Variants in ITGBL1 observed in about 807,000 individuals in gnomAD.
The protein encoded by ITGBL1 is integrin beta-like protein 1.
Under a neutral mutation model 68.5 loss-of-function variants are expected in ITGBL1, and 51 were observed. The observed-to-expected ratio is 0.74, with a 90% CI of 0.59 to 0.94. The LOEUF (loss-of-function observed/expected upper bound fraction) is 0.94. ITGBL1 is among the 40% of genes least tolerant of loss of function. The pLI is 0.00. For missense variants in ITGBL1, 649 were observed against 647.4 expected (o/e 1.00, Z -0.03); for synonymous variants, 209 against 227.3 (o/e 0.92, Z 0.72).
intron 6 of ITGBL1, among the ~76,000 whole-genome samples, chr13:101,589,319 T>G (rs2139303702): frequency 6.6e-6 from 1 of 152,274 alleles, no homozygotes; most frequent in South Asian, 2.1e-4. Flanking sequence ...AATTCTACTT[T>G]CCCCAAACAA....
In ITGBL1 at chr13:101,653,855, CTTTTTTTGTTTTTTG is replaced by C. The variant is rs756931550; in HGVS notation, c.1016-38722_1016-38708del. 2.4e-3 allele frequency among the ~76,000 whole-genome samples: 249 copies of C among 104,724 alleles called. 4 individuals are homozygous for C. Among genetic ancestry groups the C allele is most frequent in the Middle Eastern group, 6.3e-3 (1 of 160 alleles). The allele number at this position is 104,724 out of a possible 152,430, so 68.7% of individuals were successfully genotyped here. On this transcript the variant is annotated intron_variant, in intron 7 of 10. Transcript: ENST00000376180. ...AGGTGCGCACCACCATGCCCAGCTA[CTTTTTTTGTTTTTTG>C]TTTTTTTTTTTTTGTATTTTTAGTA...
intron 2 of ITGBL1, among the ~76,000 whole-genome samples, chr13:101,506,105 A>G (rs1440414601): frequency 1.3e-5 from 2 of 152,168 alleles, no homozygotes; most frequent in East Asian, 3.9e-4. Flanking sequence ...AGCCTACTAC[A>G]ATGCGCTCAC....
chr13:101,579,294 G>T lies in ITGBL1; in HGVS notation c.594G>T (p.Gly198=). ...DETEEICGGH[G]KCYCGNCYCK... ...AATTCATTTTGGGTAAAGGCCATGG[G>T]AAGTGTTACTGTGGAAACTGCTACT... is the stretch of plus-strand genomic sequence containing the variant. Residue 198 remains glycine (G), a synonymous_variant, in exon 5 of 11, where the codon GGG becomes GGT. Transcript: ENST00000376180. 6.2e-7 allele frequency: 1 copy of T among 1,613,594 alleles called. No homozygotes were observed. Among genetic ancestry groups the T allele is most frequent in the African/African-American group, 1.3e-5 (1 of 75,012 alleles).
chr13:101,484,789 ACAGGAACTGGCAAAATATTTGAAGAAAT>A (rs894158423), intron 2 of ITGBL1, among the ~76,000 whole-genome samples: 1 of 152,080 alleles, frequency 6.6e-6, no homozygotes, highest in Non-Finnish European at 1.5e-5. Flanking sequence ...TTTGTGAAGG[ACAGGAACTGGCAAAATATTTGAAGAAAT>A]AATAATGAAA....
intron 8 of ITGBL1, among the ~76,000 whole-genome samples, chr13:101,699,583 G>T (rs1469339277): frequency 6.6e-6 from 1 of 152,134 alleles, no homozygotes; most frequent in East Asian, 1.9e-4. Context: ...CTGCCATCAT[G>T]TGACGAAGGA....
At chr13:101,610,478 A>G (rs1446504002) in intron 7 of ITGBL1, among the ~76,000 whole-genome samples, 1 of 152,196 alleles carries the variant, frequency 6.6e-6, no homozygotes, top group Non-Finnish European at 1.5e-5. Flanking sequence ...TACAGACAAC[A>G]TGTACATCAT....
chr13:101,610,776 C>T (rs939683567), intron 7 of ITGBL1, among the ~76,000 whole-genome samples: 4 of 152,010 alleles, frequency 2.6e-5, no homozygotes, highest in Non-Finnish European at 4.4e-5. Context: ...CTGAGCTAAG[C>T]ATTTGTGATA....
At chr13:101,582,926 G>C (rs1006460061) in intron 5 of ITGBL1, among the ~76,000 whole-genome samples, 1 of 151,968 alleles carries the variant, frequency 6.6e-6, no homozygotes, top group African/African-American at 2.4e-5. Flanking sequence ...TGGGGGAAAG[G>C]ATTATATCTT....
chr13:101,671,422 C>CTTTGTTTTTTTT (rs1566784367), intron 7 of ITGBL1, among the ~76,000 whole-genome samples: 1 of 117,920 alleles, frequency 8.5e-6, no homozygotes, highest in African/African-American at 3.0e-5. Context: ...AAAAGTATAC[C>CTTTGTTTTTTTT]TTTGTTTTTT....
chr13:101,677,803 AC>A (rs2033541366), intron 7 of ITGBL1, among the ~76,000 whole-genome samples: 1 of 152,210 alleles, frequency 6.6e-6, no homozygotes, highest in Non-Finnish European at 1.5e-5. Context: ...CAAATTTACT[AC>A]ATCCTTAAAC....
At chr13:101,679,768 A>G (rs2033596849) in intron 7 of ITGBL1, among the ~76,000 whole-genome samples, 1 of 152,252 alleles carries the variant, frequency 6.6e-6, no homozygotes, top group South Asian at 2.1e-4. Context: ...TTAGAATCCT[A>G]AATGACCTCC....
At chr13:101,502,581 A>G (rs1347921801) in intron 2 of ITGBL1, among the ~76,000 whole-genome samples, 2 of 152,198 alleles carry the variant, frequency 1.3e-5, no homozygotes, top group Non-Finnish European at 2.9e-5. Context: ...TGCTAGTTAT[A>G]TGGTTGCTCT....
chr13:101,575,502 A>G lies in ITGBL1; in HGVS notation c.542A>G (p.Asp181Gly), dbSNP rs1566738557. The G allele has an allele frequency of 6.2e-7, 1 of 1,612,812 alleles. No individual in the cohort carries two copies. Among genetic ancestry groups the G allele is most frequent in the Non-Finnish European group, 8.5e-7 (1 of 1,178,994 alleles). The part of the protein sequence containing the change: ...GLVYGKFCEC[D>G]DRECIDDETE... The stretch of plus-strand genomic sequence containing the variant: ...GTGTATGGTAAATTTTGTGAGTGTG[A>G]CGATAGAGAATGCATAGACGATGAA... The change falls in exon 4 of 11, where the codon GAC becomes GGC. Residue 181 changes from aspartate (D) to glycine (G), a missense_variant. Physicochemically the swap from Asp to Gly is moderately conservative, Grantham distance 94 (BLOSUM62 -1). Transcript: ENST00000376180.
intron 2 of ITGBL1, among the ~76,000 whole-genome samples, chr13:101,459,218 G>A (rs1288073669): frequency 6.6e-6 from 1 of 152,152 alleles, no homozygotes; most frequent in East Asian, 1.9e-4. Flanking sequence ...CACGTTTGGG[G>A]CAGGATGGGA....
chr13:101,593,142 A>G (rs761414545), intron 6 of ITGBL1, among the ~76,000 whole-genome samples: 14 of 152,104 alleles, frequency 9.2e-5, no homozygotes, highest in Non-Finnish European at 1.6e-4. Context: ...TCCAACAGGT[A>G]TATGAAGATA....
At chr13:101,464,531 C>A (rs75927084) in intron 2 of ITGBL1, among the ~76,000 whole-genome samples, 3,558 of 150,738 alleles carry the variant, frequency 0.024, 46 homozygotes, top group Non-Finnish European at 0.033. Flanking sequence ...CTCTCTCTCT[C>A]TATATATATA....
chr13:101,703,808 G>T (rs1227780738), intron 8 of ITGBL1, among the ~76,000 whole-genome samples: 1 of 152,184 alleles, frequency 6.6e-6, no homozygotes, highest in Non-Finnish European at 1.5e-5. Flanking sequence ...GATCGGTCAG[G>T]GTGGTGGGAA....
In ITGBL1 at chr13:101,623,614, C is replaced by T. The variant is rs543214581; in HGVS notation, c.1015+25315C>T. ...TTATATAACTCAAATCTCCTGTTGA[C>T]TTTCATCTGAGGACAGGCAGTGGGT... On this transcript the variant is annotated intron_variant, in intron 7 of 10. Coordinates refer to ENST00000376180, the MANE Select transcript of ITGBL1 (RefSeq NM_004791.3). 2.0e-5 allele frequency among the ~76,000 whole-genome samples: 3 copies of T among 152,288 alleles called. No homozygotes were observed. In the South Asian group the frequency reaches 6.2e-4, roughly 32 times the overall value.
At chr13:101,454,948 G>C (rs1317735041) in intron 2 of ITGBL1, among the ~76,000 whole-genome samples, 2 of 152,130 alleles carry the variant, frequency 1.3e-5, no homozygotes, top group Non-Finnish European at 1.5e-5. Flanking sequence ...GAGTGATTCA[G>C]GTTCTGATAT....
Sources: allele counts gnomAD v4.1 joint callset (sites outside exome capture counted in the v4.1 genomes callset), GRCh38; gene constraint gnomAD v4.1.1; transcripts MANE v1.5; gene names NCBI Gene and HGNC (gene_info 2026-07-23, HGNC 2026-07-21).